SYDE1: variants seen among roughly 807,000 people sequenced by gnomAD.
The protein encoded by SYDE1 is rho GTPase-activating protein SYDE1.
A neutral mutation model predicts 63.3 loss-of-function variants in SYDE1; 34 were observed. The ratio of observed to expected loss-of-function variants is 0.54; its 90% CI spans 0.41 to 0.71. The LOEUF (loss-of-function observed/expected upper bound fraction) is 0.71. Ranked by LOEUF, SYDE1 falls within the 30% of genes least tolerant of loss-of-function variation. The pLI, the probability that SYDE1 is intolerant of heterozygous loss-of-function variation, is 0.00. For synonymous variants in SYDE1, 467 were observed against 473.4 expected, an observed-to-expected ratio of 0.99 and a Z score of 0.18; for missense variants, 925 against 1,042.5, an observed-to-expected ratio of 0.89 and a Z score of 1.55.
intron 7 of SYDE1, among the ~76,000 whole-genome samples, 185 bp from the exon 8 acceptor site, chr19:15,113,375 G>T (rs1255347272): frequency 6.6e-6 from 1 of 152,206 alleles, no homozygotes; most frequent in African/African-American, 2.4e-5. Context: ...TGCAGTCAGA[G>T]GCCCTGCCTC....
In SYDE1 at chr19:15,110,386, C is replaced by T. The variant is rs1476236123; in HGVS notation, c.1075+38C>T. The T allele has an allele frequency of 1.8e-5, 26 of 1,442,032 alleles. No individual in the cohort carries two copies. The highest frequency in any genetic ancestry group is 2.3e-5 in the Non-Finnish European group (25 of 1,098,262). 89.3% of individuals were successfully genotyped at this position (1,442,032 alleles called of 1,614,324 possible). A position where few individuals can be genotyped will look rare whatever the true frequency, so the allele number is the denominator to read the frequency against. The stretch of plus-strand genomic sequence containing the variant: ...GCTGCAGGGGAGGAGGGGCAGGGAC[C>T]CCCAAACCCCACCGCCACCCCCCGC... On this transcript the variant is annotated intron_variant, in intron 3 of 7. Coordinates refer to ENST00000342784, the MANE Select transcript of SYDE1 (RefSeq NM_033025.6). This position sits in a 1 kb window ranked among gnomAD's most constrained non-coding sequence, Gnocchi z 6.9.
Position 15,111,227 on chromosome 19 carries a change from C to T in SYDE1, c.1291-86C>T. 6.6e-7 allele frequency: 1 copy of T among 1,503,910 alleles called. No homozygotes were observed. The highest frequency in any genetic ancestry group is 9.1e-7 in the Non-Finnish European group (1 of 1,094,178). The allele number at this position is 1,503,910 out of a possible 1,614,324, so 93.2% of individuals were successfully genotyped here. On this transcript the variant is annotated intron_variant, in intron 4 of 7. Transcript: ENST00000342784. This position sits in a 1 kb window ranked among gnomAD's most constrained non-coding sequence, Gnocchi z 5.5. ...GCCCACAATGCCCATTGCTGCCTGG[C>T]CCAGAATTCCAGTGCTCACCCCACT... is the stretch of plus-strand genomic sequence containing the variant.
rs1197694289 is a variant in SYDE1, at chr19:15,109,819, G to A, written c.546G>A (p.Leu182=). Residue 182 remains leucine (L), a synonymous_variant, in exon 3 of 8, where the codon CTG becomes CTA. Transcript: ENST00000342784. This position sits in a 1 kb window ranked among gnomAD's most constrained non-coding sequence, Gnocchi z 5.0. ...CGGAACTGCGGCGCCGCCTGAGCCTGCGAGGCCCCCGGGCTGGCAGGGAGC... is the reference window on the plus strand; with the variant it reads ...CGGAACTGCGGCGCCGCCTGAGCCTACGAGGCCCCCGGGCTGGCAGGGAGC... ...KLPELRRRLS[L]RGPRAGRERE... The A allele has an allele frequency of 6.5e-7, 1 of 1,534,418 alleles. No homozygotes were observed. The highest frequency in any genetic ancestry group is 2.0e-5 in the Admixed American group (1 of 50,860).
In SYDE1 at chr19:15,113,641, C is replaced by T; in HGVS notation, c.1886C>T (p.Ala629Val). The change falls in exon 8 of 8, where the codon GCA (alanine) becomes GTA (valine). Residue 629 changes from alanine to valine, a missense_variant. Transcript: ENST00000342784. ...KRQPPLHLPL[A>V]DPEVVTRPRG... is the part of the protein sequence containing the mutation. ...CAGCCACCTCTGCACCTGCCGCTGG[C>T]AGACCCCGAAGTGGTGACTCGGCCC... is the stretch of plus-strand genomic sequence containing the variant. The T allele has an allele frequency of 6.2e-7, 1 of 1,611,740 alleles. No homozygotes were observed. Among genetic ancestry groups the T allele is most frequent in the Non-Finnish European group, 8.5e-7 (1 of 1,178,960 alleles).
Position 15,113,684 on chromosome 19 carries a change from C to T in SYDE1, c.1929C>T (p.Pro643=). The change falls in exon 8 of 8, where the codon CCC becomes CCT. Residue 643 remains proline (P), a synonymous_variant. Transcript: ENST00000342784. Reference sequence around the variant, plus strand: ...CTCGGCCCCGCGGTCGAGGAGGCCCCGAAAGCCCCCCGAGCAACCGCTACG... The same window carrying T: ...CTCGGCCCCGCGGTCGAGGAGGCCCTGAAAGCCCCCCGAGCAACCGCTACG... The part of the protein sequence containing the change: ...VVTRPRGRGG[P]ESPPSNRYAG... The T allele has an allele frequency of 1.2e-6, 2 of 1,613,326 alleles. No homozygotes were observed. Among genetic ancestry groups the T allele is most frequent in the African/African-American group, 1.3e-5 (1 of 75,070 alleles).
In SYDE1 at chr19:15,110,794, C is replaced by CA. The variant is rs2046341628; in HGVS notation, c.1290+60dup. The CA allele has an allele frequency of 7.1e-7, 1 of 1,400,456 alleles. No individual in the cohort carries two copies. The highest frequency in any genetic ancestry group is 1.4e-5 in the South Asian group (1 of 73,348). 86.8% of individuals were successfully genotyped at this position (1,400,456 alleles called of 1,614,324 possible). A position where few individuals can be genotyped will look rare whatever the true frequency, so the allele number is the denominator to read the frequency against. ...CCAGACCTCAGACCACTCTTCAGGACACCCTATGTACAGATGCCAGACCCC... is the reference window on the plus strand; with the variant it reads ...CCAGACCTCAGACCACTCTTCAGGACAACCCTATGTACAGATGCCAGACCCC... On this transcript the variant is annotated intron_variant, in intron 4 of 7. Transcript: ENST00000342784. The surrounding 1 kb of genome is among the most constrained non-coding windows in gnomAD (Gnocchi z 6.9).
In SYDE1 at chr19:15,113,817, G is replaced by A. The variant is rs775370268; in HGVS notation, c.2062G>A (p.Glu688Lys). 5.0e-6 allele frequency: 8 copies of A among 1,613,978 alleles called. No homozygotes were observed. Among genetic ancestry groups the A allele is most frequent in the South Asian group, 3.3e-5 (3 of 91,090 alleles). The change falls in exon 8 of 8, where the codon GAG (glutamate) becomes AAG (lysine). Residue 688 changes from glutamate to lysine, a missense_variant. This residue lies in a region of SYDE1 where 255 missense variants were observed against 255.9 expected (regional missense o/e 1.00). Transcript: ENST00000342784. Reference sequence around the variant, plus strand: ...GGGCAGTGACAGCGAGGACGAGGACGAGGAGGTCGGCGAGCCGAGGGTCAC... The same window carrying A: ...GGGCAGTGACAGCGAGGACGAGGACAAGGAGGTCGGCGAGCCGAGGGTCAC... The part of the protein sequence containing the change: ...VTGSDSEDED[E>K]EVGEPRVTGD...
chr19:15,111,242 C>G lies in SYDE1; in HGVS notation c.1291-71C>G. 6.4e-7 allele frequency: 1 copy of G among 1,557,668 alleles called. No homozygotes were observed. Among genetic ancestry groups the G allele is most frequent in the Non-Finnish European group, 8.8e-7 (1 of 1,136,072 alleles). On this transcript the variant is annotated intron_variant, in intron 4 of 7. Transcript: ENST00000342784. The surrounding 1 kb of genome is among the most constrained non-coding windows in gnomAD (Gnocchi z 5.5). The stretch of plus-strand genomic sequence containing the variant: ...TGCTGCCTGGCCCAGAATTCCAGTG[C>G]TCACCCCACTGGGCCCTGATTAGTC...
In SYDE1 at chr19:15,110,529, G is replaced by A; in HGVS notation, c.1084G>A (p.Ala362Thr). The A allele has an allele frequency of 6.3e-7, 1 of 1,583,500 alleles. No homozygotes were observed. Among genetic ancestry groups the A allele is most frequent in the Non-Finnish European group, 8.6e-7 (1 of 1,167,892 alleles). ...LLPTVFRGCQ[A>T]QQLAVRLEPQ... ...CCCCCTTGTGTCCTCAGGGTGCCAG[G>A]CCCAACAGCTGGCCGTGCGCCTGGA... The change falls in exon 4 of 8, where the codon GCC becomes ACC. Residue 362 changes from alanine to threonine, a missense_variant. Around this residue, in one of 3 missense-constraint regions of SYDE1, gnomAD observed 599 missense variants for 653.7 expected, o/e 0.92. Transcript: ENST00000342784. This position sits in a 1 kb window ranked among gnomAD's most constrained non-coding sequence, Gnocchi z 6.9.
chr19:15,109,965 G>C lies in SYDE1; in HGVS notation c.692G>C (p.Ser231Thr), dbSNP rs1261051377. The C allele has an allele frequency of 1.4e-6, 2 of 1,477,810 alleles. No homozygotes were observed. Among genetic ancestry groups the C allele is most frequent in the African/African-American group, 1.5e-5 (1 of 68,418 alleles). 91.5% of individuals were successfully genotyped at this position (1,477,810 alleles called of 1,614,324 possible). The part of the protein sequence containing the change: ...GTRSPRAGYL[S>T]DGDSPERPAG... Reference sequence around the variant, plus strand: ...CGGAGCCCGAGGGCCGGTTACCTCAGCGACGGGGACTCACCGGAGCGCCCA... The same window carrying C: ...CGGAGCCCGAGGGCCGGTTACCTCACCGACGGGGACTCACCGGAGCGCCCA... Residue 231 changes from serine to threonine, a missense_variant, in exon 3 of 8, where the codon AGC becomes ACC. Physicochemically the swap from Ser to Thr is moderately conservative, Grantham distance 58. Around this residue, in one of 3 missense-constraint regions of SYDE1, gnomAD observed 599 missense variants for 653.7 expected, o/e 0.92. Transcript: ENST00000342784. This position sits in a 1 kb window ranked among gnomAD's most constrained non-coding sequence, Gnocchi z 5.0.
rs2046328768 is a variant in SYDE1, at chr19:15,109,642, C to T, written c.431-62C>T. The T allele has an allele frequency of 9.5e-7, 1 of 1,050,618 alleles. No homozygotes were observed. The highest frequency in any genetic ancestry group is 1.6e-5 in the African/African-American group (1 of 61,936). The allele number at this position is 1,050,618 out of a possible 1,614,324, so 65.1% of individuals were successfully genotyped here. On this transcript the variant is annotated intron_variant, in intron 2 of 7. Transcript: ENST00000342784. The surrounding 1 kb of genome is among the most constrained non-coding windows in gnomAD (Gnocchi z 5.0). ...CACACTCCTTCCCTTCAGGGGAGCA[C>T]CAGCCTCACCCCCCTCCCCTAAGCC...
In SYDE1 at chr19:15,111,746, C is replaced by G; in HGVS notation, c.1532C>G (p.Thr511Ser). The part of the protein sequence containing the change: ...RDPPNRVPPT[T>S]EGTRGLLSCL... ...CCCCCAAACAGAGTTCCCCCCACCA[C>G]TGAGGGCACCCGAGGGCTCCTCAGC... Residue 511 changes from threonine (T) to serine (S), a missense_variant, in exon 6 of 8, where the codon ACT becomes AGT. By Grantham distance (58) the Thr-to-Ser change is moderately conservative (BLOSUM62 1). This residue lies in a region of SYDE1 where 71 missense variants were observed against 132.8 expected (regional missense o/e 0.53). Transcript: ENST00000342784. This position sits in a 1 kb window ranked among gnomAD's most constrained non-coding sequence, Gnocchi z 5.5. 2 of 1,608,442 alleles carry G rather than the reference C, an allele frequency of 1.2e-6. No individual in the cohort carries two copies. Among genetic ancestry groups the G allele is most frequent in the Non-Finnish European group, 1.7e-6 (2 of 1,177,412 alleles).
In SYDE1 at chr19:15,110,591, G is replaced by C. The variant is rs78719569; in HGVS notation, c.1146G>C (p.Ser382=). The change falls in exon 4 of 8, where the codon TCG becomes TCC. Residue 382 remains serine (S), a synonymous_variant. Coordinates refer to ENST00000342784, the MANE Select transcript of SYDE1 (RefSeq NM_033025.6). The surrounding 1 kb of genome is among the most constrained non-coding windows in gnomAD (Gnocchi z 6.9). ...QGLLYAKLTL[S]EQQEAPATAE... is the part of the protein sequence containing the mutation. The stretch of plus-strand genomic sequence containing the variant: ...TGCTGTATGCCAAGCTGACCCTGTC[G>C]GAGCAGCAGGAAGCCCCTGCCACAG... The C allele has an allele frequency of 4.4e-6, 7 of 1,594,976 alleles. No individual in the cohort carries two copies. In the African/African-American group the frequency reaches 5.4e-5, roughly 12 times the overall value.
chr19:15,112,495 C>T lies in SYDE1; in HGVS notation c.1728C>T (p.Ser576=), dbSNP rs147498610. ...CCACAAGGCCTCGTGCCCGCAGCTC[C>T]GGCCCAGGCCTTGCCAGTGCAGTGG... is the stretch of plus-strand genomic sequence containing the variant. The part of the protein sequence containing the change: ...QAPTRPRARS[S]GPGLASAVDF... Residue 576 remains serine, a synonymous_variant, in exon 7 of 8, where the codon TCC becomes TCT. Transcript: ENST00000342784. 28 of 1,606,722 alleles carry T rather than the reference C, an allele frequency of 1.7e-5. No individual in the cohort carries two copies. The highest frequency in any genetic ancestry group is 1.3e-4 in the African/African-American group (10 of 74,892).
chr19:15,107,461 T>C lies in SYDE1; in HGVS notation c.28T>C (p.Phe10Leu), dbSNP rs935386296. Residue 10 changes from phenylalanine to leucine, a missense_variant, in exon 1 of 8, where the codon TTC becomes CTC. Phe to Leu is a conservative substitution (Grantham distance 22). Coordinates refer to ENST00000342784, the MANE Select transcript of SYDE1 (RefSeq NM_033025.6). Reference protein sequence around the residue: MAEPLLRKTFSRLRGREKLP... With the variant: MAEPLLRKTLSRLRGREKLP... Reference sequence around the variant, plus strand: ...GGCCGAGCCGCTACTCAGGAAAACCTTCTCCCGCCTGCGGGGCCGGGAGAA... The same window carrying C: ...GGCCGAGCCGCTACTCAGGAAAACCCTCTCCCGCCTGCGGGGCCGGGAGAA... 6.6e-7 allele frequency: 1 copy of C among 1,516,356 alleles called. No homozygotes were observed. The highest frequency in any genetic ancestry group is 8.9e-7 in the Non-Finnish European group (1 of 1,125,570). 93.9% of individuals were successfully genotyped at this position (1,516,356 alleles called of 1,614,324 possible).
In SYDE1 at chr19:15,110,808, A is replaced by T; in HGVS notation, c.1290+73A>T. The stretch of plus-strand genomic sequence containing the variant: ...ACTCTTCAGGACACCCTATGTACAG[A>T]TGCCAGACCCCTACCCCCAGGCCTG... On this transcript the variant is annotated intron_variant, in intron 4 of 7. Coordinates refer to ENST00000342784, the MANE Select transcript of SYDE1 (RefSeq NM_033025.6). This position sits in a 1 kb window ranked among gnomAD's most constrained non-coding sequence, Gnocchi z 6.9. 4 of 1,297,046 alleles carry T rather than the reference A, an allele frequency of 3.1e-6. No homozygotes were observed. The South Asian group carries it at 5.9e-5, about 19-fold the overall frequency. 80.3% of individuals were successfully genotyped at this position (1,297,046 alleles called of 1,614,324 possible).
At position 15,110,541 on chromosome 19, in the gene SYDE1, G is replaced by C. The variant is rs565872413; in HGVS notation, c.1096G>C (p.Ala366Pro). 1 of 1,589,508 alleles carries C rather than the reference G, an allele frequency of 6.3e-7. No individual in the cohort carries two copies. Among genetic ancestry groups the C allele is most frequent in the East Asian group, 2.3e-5 (1 of 43,854 alleles). ...VFRGCQAQQL[A>P]VRLEPQGLLY... is the part of the protein sequence containing the mutation. ...CTCAGGGTGCCAGGCCCAACAGCTG[G>C]CCGTGCGCCTGGAGCCTCAGGGGCT... The change falls in exon 4 of 8, where the codon GCC becomes CCC. Residue 366 changes from alanine to proline, a missense_variant. Physicochemically the swap from Ala to Pro is conservative, Grantham distance 27. Transcript: ENST00000342784. This position sits in a 1 kb window ranked among gnomAD's most constrained non-coding sequence, Gnocchi z 6.9.
Position 15,111,393 on chromosome 19 carries a change from G to A in SYDE1, c.1371G>A (p.Ala457=), listed in dbSNP as rs189727530. The A allele has an allele frequency of 8.1e-5, 131 of 1,614,068 alleles. 1 individual carries two copies. The highest frequency in any genetic ancestry group is 5.0e-4 in the Middle Eastern group (3 of 6,060). ...LRDAFERDSA[A]VCLSEDLYPD... is the part of the protein sequence containing the mutation. ...ATGCCTTTGAGCGGGACAGTGCAGC[G>A]GTCTGCCTATCTGAGGACCTGTACC... The change falls in exon 5 of 8, where the codon GCG becomes GCA. Residue 457 remains alanine (A), a synonymous_variant. Transcript: ENST00000342784. The surrounding 1 kb of genome is among the most constrained non-coding windows in gnomAD (Gnocchi z 5.5).
rs1262396930 is a variant in SYDE1 at position 15,114,270 on chromosome 19, T to G, written c.*307T>G. Reference sequence around the variant, plus strand: ...AAGGTAGTTCTCGCGCTTGCTAGGCTGGCCTCTCTTGCCTCCCCTTGGCCG... The same window carrying G: ...AAGGTAGTTCTCGCGCTTGCTAGGCGGGCCTCTCTTGCCTCCCCTTGGCCG... On this transcript the variant is annotated 3_prime_UTR_variant, in exon 8 of 8. Coordinates refer to ENST00000342784, the MANE Select transcript of SYDE1 (RefSeq NM_033025.6). 19 of 367,114 alleles carry G rather than the reference T, an allele frequency of 5.2e-5. No individual in the cohort carries two copies. The highest frequency in any genetic ancestry group is 3.8e-4 in the African/African-American group (18 of 47,750). The allele number at this position is 367,114 out of a possible 1,614,324, so 22.7% of individuals were successfully genotyped here.
Sources: allele counts gnomAD v4.1 joint callset (sites outside exome capture counted in the v4.1 genomes callset), GRCh38; gene constraint gnomAD v4.1.1; regional missense constraint gnomAD v4.1.1; non-coding constraint Gnocchi (gnomAD v3.1); transcripts MANE v1.5; gene names NCBI Gene and HGNC (gene_info 2026-07-23, HGNC 2026-07-21).